Variants in SV2B observed in about 807,000 individuals in gnomAD.
SV2B encodes the protein solute carrier family 22 member B2.
Under a neutral mutation model 73.9 loss-of-function variants are expected in SV2B, and 41 were observed. The observed-to-expected ratio is 0.56, with a 90% confidence interval of 0.43 to 0.72. The LOEUF (loss-of-function observed/expected upper bound fraction) is 0.72, where lower values mean the gene tolerates loss of function less well. SV2B is among the 30% of genes least tolerant of loss of function. The probability of loss-of-function intolerance (pLI) is 0.00; values close to 1 mark genes in which losing one functional copy is unlikely to be tolerated. For synonymous variants in SV2B, 314 were observed against 314.2 expected (o/e 1.00, Z 0.01); for missense variants, 764 against 857.8 (o/e 0.89, Z 1.37).
intron 1 of SV2B, among the ~76,000 whole-genome samples, chr15:91,163,814 T>C (rs1596502048): frequency 6.6e-6 from 1 of 152,220 alleles, no homozygotes; most frequent in African/African-American, 2.4e-5. Context: ...TTGCTTTTGG[T>C]GTTTTAGTCA....
intron 1 of SV2B, among the ~76,000 whole-genome samples, chr15:91,144,216 A>G (rs1216352893): frequency 6.6e-6 from 1 of 152,222 alleles, no homozygotes; most frequent in Non-Finnish European, 1.5e-5. Context: ...TGGCTGATAT[A>G]TGTACTTACA....
chr15:91,169,401 G>GAATGAATGAA (rs369315185), intron 1 of SV2B, among the ~76,000 whole-genome samples: 3,724 of 152,000 alleles, frequency 0.025, 190 homozygotes, highest in African/African-American at 0.085. Flanking sequence ...TCCAGTGAAC[G>GAATGAATGAA]AATGAATGAA....
intron 2 of SV2B, among the ~76,000 whole-genome samples, chr15:91,246,816 G>A (rs1429317345): frequency 6.6e-6 from 1 of 150,578 alleles, no homozygotes; most frequent in Non-Finnish European, 1.5e-5. Flanking sequence ...AAAAATCTCA[G>A]TATATTAAGG....
rs2141186269 is a variant in SV2B at position 91,141,125 on chromosome 15, A to AT, written c.-392+40768dup. Reference sequence around the variant, plus strand: ...GAACTGGCTACATTCTTTGGAGACCATTTTTTAAAAAGTAGCCCTTTCTTC... The same window carrying AT: ...GAACTGGCTACATTCTTTGGAGACCATTTTTTTAAAAAGTAGCCCTTTCTTC... On this transcript the variant is annotated intron_variant, in intron 1 of 12. Transcript: ENST00000394232. This position sits in a 1 kb window ranked among gnomAD's most constrained non-coding sequence, Gnocchi z 4.6. Among the ~76,000 whole-genome samples, 1 of 152,266 alleles carries AT rather than the reference A, an allele frequency of 6.6e-6. No homozygotes were observed. Among genetic ancestry groups the AT allele is most frequent in the Non-Finnish European group, 1.5e-5 (1 of 68,008 alleles).
intron 1 of SV2B, among the ~76,000 whole-genome samples, chr15:91,116,020 C>CATATA (rs2042169635): frequency 2.0e-5 from 3 of 152,166 alleles, no homozygotes; most frequent in Non-Finnish European, 4.4e-5. Flanking sequence ...TTATTATATG[C>CATATA]TTCAGAATTT....
In SV2B at chr15:91,145,792, C is replaced by T. The variant is rs545457267; in HGVS notation, c.-392+45429C>T. 3.9e-5 allele frequency among the ~76,000 whole-genome samples: 6 copies of T among 152,178 alleles called. No individual in the cohort carries two copies. The South Asian group carries it at 1.0e-3, about 26-fold the overall frequency. On this transcript the variant is annotated intron_variant, in intron 1 of 12. Coordinates refer to ENST00000394232, the MANE Select transcript of SV2B (RefSeq NM_001323032.3). ...TTTTGGCTGCATTTATGTCTTCTTT[C>T]GAAAAGTCTCTGTTGATGTCCTTTG...
At position 91,267,409 on chromosome 15, in the gene SV2B, T is replaced by G. The variant is rs2048142856; in HGVS notation, c.1120-146T>G. On this transcript the variant is annotated intron_variant, in intron 7 of 12. Transcript: ENST00000394232. This position sits in a 1 kb window ranked among gnomAD's most constrained non-coding sequence, Gnocchi z 4.3. ...GCTTTCCTTGTTATTTGGACAGTTT[T>G]GCTGCCTCTAGGAGACAGTGGGGTA... is the stretch of plus-strand genomic sequence containing the variant. 1.6e-6 allele frequency: 1 copy of G among 644,508 alleles called. No homozygotes were observed. Among genetic ancestry groups the G allele is most frequent in the Admixed American group, 2.7e-5 (1 of 37,438 alleles). The allele number at this position is 644,508 out of a possible 1,614,324, so 39.9% of individuals were successfully genotyped here.
chr15:91,212,196 C>A (rs1221991209), intron 1 of SV2B, among the ~76,000 whole-genome samples: 1 of 152,164 alleles, frequency 6.6e-6, no homozygotes, highest in Non-Finnish European at 1.5e-5. Context: ...ACTTTTCTTT[C>A]CAAAGAAATA....
At position 91,267,746 on chromosome 15, in the gene SV2B, AG is replaced by A; in HGVS notation, c.1208+105del. The A allele has an allele frequency of 1.0e-6, 1 of 980,208 alleles. No individual in the cohort carries two copies. Among genetic ancestry groups the A allele is most frequent in the South Asian group, 1.4e-5 (1 of 71,718 alleles). 60.7% of individuals were successfully genotyped at this position (980,208 alleles called of 1,614,324 possible). ...TTCTGACTTAGAATTTGTATCAGGTAGGATGCTTTGGTGGCAAGTAGCAGAA... is the reference window on the plus strand; with the variant it reads ...TTCTGACTTAGAATTTGTATCAGGTAGATGCTTTGGTGGCAAGTAGCAGAA... On this transcript the variant is annotated intron_variant, in intron 8 of 12. Coordinates refer to ENST00000394232, the MANE Select transcript of SV2B (RefSeq NM_001323032.3). The surrounding 1 kb of genome is among the most constrained non-coding windows in gnomAD (Gnocchi z 4.3).
rs531409738 is a variant in SV2B, at chr15:91,129,919, C to A, written c.-392+29556C>A. On this transcript the variant is annotated intron_variant, in intron 1 of 12. Coordinates refer to ENST00000394232, the MANE Select transcript of SV2B (RefSeq NM_001323032.3). This position sits in a 1 kb window ranked among gnomAD's most constrained non-coding sequence, Gnocchi z 5.1. ...GTTAAGTGAGATAATGCATGTAACA[C>A]GCTTAGCTCAGTGCCTGGTCCTTGG... is the stretch of plus-strand genomic sequence containing the variant. Among the ~76,000 whole-genome samples, 115 of 152,264 alleles carry A rather than the reference C, an allele frequency of 7.6e-4. No homozygotes were observed. Among genetic ancestry groups the A allele is most frequent in the African/African-American group, 2.7e-3 (114 of 41,556 alleles).
rs2048193451 is a variant in SV2B at position 91,268,722 on chromosome 15, T to C, written c.1373+117T>C. On this transcript the variant is annotated intron_variant, in intron 9 of 12. Coordinates refer to ENST00000394232, the MANE Select transcript of SV2B (RefSeq NM_001323032.3). This position sits in a 1 kb window ranked among gnomAD's most constrained non-coding sequence, Gnocchi z 4.4. ...TATGGCCGGGAATGAGCGCCAAGGC[T>C]GGTGTCATCATCACAACCTGTCATG... The C allele has an allele frequency of 7.5e-7, 1 of 1,342,118 alleles. No homozygotes were observed. Among genetic ancestry groups the C allele is most frequent in the African/African-American group, 1.5e-5 (1 of 68,650 alleles). The allele number at this position is 1,342,118 out of a possible 1,614,324, so 83.1% of individuals were successfully genotyped here.
At chr15:91,156,311 A>G (rs1023781820) in intron 1 of SV2B, among the ~76,000 whole-genome samples, 1 of 152,138 alleles carries the variant, frequency 6.6e-6, no homozygotes, top group African/African-American at 2.4e-5. Context: ...GACTCCACGG[A>G]CTTCTGAGAG....
rs948170957 is a variant in SV2B, at chr15:91,121,096, C to T, written c.-392+20733C>T. Among the ~76,000 whole-genome samples, 14 of 151,752 alleles carry T rather than the reference C, an allele frequency of 9.2e-5. No homozygotes were observed. The highest frequency in any genetic ancestry group is 3.9e-4 in the Admixed American group (6 of 15,228). Reference sequence around the variant, plus strand: ...GTGGCAGAGAACTAGTCTTTTAACACGCTAATTTTTGGTCTTATGTTAGTA... The same window carrying T: ...GTGGCAGAGAACTAGTCTTTTAACATGCTAATTTTTGGTCTTATGTTAGTA... On this transcript the variant is annotated intron_variant, in intron 1 of 12. Transcript: ENST00000394232. This position sits in a 1 kb window ranked among gnomAD's most constrained non-coding sequence, Gnocchi z 4.4.
chr15:91,107,289 A>ATTTGTTTG (rs1274580877), intron 1 of SV2B, among the ~76,000 whole-genome samples: 146 of 148,126 alleles, frequency 9.9e-4, no homozygotes, highest in Middle Eastern at 3.4e-3. Context: ...TCATTACTTT[A>ATTTGTTTG]TTTGTTTGTT....
chr15:91,138,279 T>G (rs1469938163), intron 1 of SV2B, among the ~76,000 whole-genome samples: 1 of 152,248 alleles, frequency 6.6e-6, no homozygotes, highest in African/African-American at 2.4e-5. Flanking sequence ...AGTAGTCACA[T>G]GCATGTGTTG....
At chr15:91,196,234 C>T (rs982472094) in intron 1 of SV2B, among the ~76,000 whole-genome samples, 3 of 152,070 alleles carry the variant, frequency 2.0e-5, no homozygotes, top group African/African-American at 4.8e-5. Flanking sequence ...GGGCAAGGCA[C>T]GGGGATATAA....
intron 1 of SV2B, among the ~76,000 whole-genome samples, chr15:91,159,216 A>G (rs2043622371): frequency 6.6e-6 from 1 of 152,186 alleles, no homozygotes; most frequent in Non-Finnish European, 1.5e-5. Flanking sequence ...TCTGTCCTGC[A>G]GCTTGGCTTC....
rs953692686 is a variant in SV2B, at chr15:91,234,939, G to A, written c.451+8225G>A. 6.6e-6 allele frequency among the ~76,000 whole-genome samples: 1 copy of A among 152,176 alleles called. No homozygotes were observed. The highest frequency in any genetic ancestry group is 2.4e-5 in the African/African-American group (1 of 41,442). ...TCACTGTGGCCCATCAGTCAGAGTAGGAGCTTATGGTGGTTAGGTGATCAA... is the reference window on the plus strand; with the variant it reads ...TCACTGTGGCCCATCAGTCAGAGTAAGAGCTTATGGTGGTTAGGTGATCAA... On this transcript the variant is annotated intron_variant, in intron 2 of 12. Coordinates refer to ENST00000394232, the MANE Select transcript of SV2B (RefSeq NM_001323032.3). This position sits in a 1 kb window ranked among gnomAD's most constrained non-coding sequence, Gnocchi z 5.6.
At chr15:91,169,600 G>C (rs1387236087) in intron 1 of SV2B, among the ~76,000 whole-genome samples, 5 of 152,166 alleles carry the variant, frequency 3.3e-5, no homozygotes, top group African/African-American at 1.2e-4. Context: ...TGGCTGCTAG[G>C]GATGCTGTGG....
Sources: allele counts gnomAD v4.1 joint callset (sites outside exome capture counted in the v4.1 genomes callset), GRCh38; gene constraint gnomAD v4.1.1; non-coding constraint Gnocchi (gnomAD v3.1); transcripts MANE v1.5; gene names NCBI Gene and HGNC (gene_info 2026-07-23, HGNC 2026-07-21).